The following C7orf57 variants were observed in gnomAD, a reference collection of about 807,000 sequenced individuals.
C7orf57 encodes uncharacterized protein C7orf57.
C7orf57 carries 33 observed loss-of-function variants against 39.0 expected under a neutral mutation model. The ratio of observed to expected loss-of-function variants is 0.85; its 90% CI spans 0.64 to 1.13. The LOEUF is 1.13. C7orf57 is among the 50% of genes most tolerant of loss of function. C7orf57 has a pLI of 0.00. For missense variants in C7orf57, 346 were observed against 362.3 expected (o/e 0.95, Z 0.37); for synonymous variants, 124 against 137.1 (o/e 0.90, Z 0.67).
At chr7:48,051,941 T>G (rs1583819094) in intron 6 of C7orf57, among the ~76,000 whole-genome samples, 2 of 136,052 alleles carry the variant, frequency 1.5e-5, no homozygotes, top group South Asian at 4.6e-4. Context: ...TTCTCTCCTC[T>G]TTTTTTCTTT....
intron 2 of C7orf57, among the ~76,000 whole-genome samples, chr7:48,038,854 A>G (rs1790463773): frequency 6.6e-6 from 1 of 152,094 alleles, no homozygotes; most frequent in Non-Finnish European, 1.5e-5. Context: ...AACTCCAAGT[A>G]TGTGTGTGTA....
chr7:48,036,845 C>T (rs1293998289), intron 2 of C7orf57, among the ~76,000 whole-genome samples: 2 of 152,002 alleles, frequency 1.3e-5, no homozygotes, highest in Non-Finnish European at 2.9e-5. Context: ...AAAAGGAATT[C>T]AGTGAGGTTC....
At chr7:48,040,733 G>A (rs979678897) in intron 2 of C7orf57, among the ~76,000 whole-genome samples, 13 of 152,170 alleles carry the variant, frequency 8.5e-5, no homozygotes, top group African/African-American at 3.1e-4. Context: ...GCTGATTCGA[G>A]TGCCATTGCT....
rs1413843235 is a variant in C7orf57 at position 48,051,849 on chromosome 7, TTC to T, written c.606-849_606-848del. Among the ~76,000 whole-genome samples, 2 of 83,244 alleles carry T rather than the reference TTC, an allele frequency of 2.4e-5. 1 individual carries two copies. The highest frequency in any genetic ancestry group is 1.3e-4 in the African/African-American group (2 of 15,270). 54.6% of individuals were successfully genotyped at this position (83,244 alleles called of 152,430 possible). ...TTTCTTTCTTTCTTTCTTTCTTTCT[TTC>T]TTTCTTTCTTTCTTTCTTTCTCTTT... On this transcript the variant is annotated intron_variant, in intron 6 of 8. Transcript: ENST00000348904.
At chr7:48,050,235 A>T (rs1192272267) in intron 6 of C7orf57, among the ~76,000 whole-genome samples, 1 of 152,050 alleles carries the variant, frequency 6.6e-6, no homozygotes, top group Non-Finnish European at 1.5e-5. Context: ...CTGCTTCTCC[A>T]TCAGGCTGTG....
At chr7:48,050,908 A>C (rs1390572199) in intron 6 of C7orf57, among the ~76,000 whole-genome samples, 1 of 151,894 alleles carries the variant, frequency 6.6e-6, no homozygotes, top group Non-Finnish European at 1.5e-5. Flanking sequence ...TGCTCAAAAA[A>C]TCCTCCTGCC....
intron 2 of C7orf57, among the ~76,000 whole-genome samples, chr7:48,040,125 A>C (rs1304134987): frequency 1.3e-5 from 2 of 152,192 alleles, no homozygotes; most frequent in Non-Finnish European, 2.9e-5. Flanking sequence ...AGAAACTCCC[A>C]GTAGGACTCC....
chr7:48,042,472 A>G (rs957465432), intron 3 of C7orf57, among the ~76,000 whole-genome samples: 3 of 151,874 alleles, frequency 2.0e-5, no homozygotes, highest in Non-Finnish European at 2.9e-5. Flanking sequence ...AGGACTGGGC[A>G]TTGTGTCTGC....
chr7:48,045,508 C>G (rs548906211), intron 4 of C7orf57, among the ~76,000 whole-genome samples: 1 of 152,260 alleles, frequency 6.6e-6, no homozygotes, highest in East Asian at 1.9e-4. Flanking sequence ...CACTCGCTCT[C>G]TCGGAGGCCC....
Position 48,043,198 on chromosome 7 carries a change from G to A in C7orf57, c.242-283G>A, listed in dbSNP as rs117977470. 6.9e-3 allele frequency among the ~76,000 whole-genome samples: 1,048 copies of A among 152,266 alleles called. 5 individuals are homozygous for A. The highest frequency in any genetic ancestry group is 0.02 in the Middle Eastern group (6 of 294). On this transcript the variant is annotated intron_variant, in intron 3 of 8. Transcript: ENST00000348904. ...TCCAGGAGCTGGTAGATGCTGGCCT[G>A]CATAGATGCAGCTCAAGACCAGGAG...
rs181265595 is a variant in C7orf57, at chr7:48,051,795, T to C, written c.606-905T>C. 4.6e-3 allele frequency among the ~76,000 whole-genome samples: 353 copies of C among 77,258 alleles called. 14 individuals are homozygous for C. The highest frequency in any genetic ancestry group is 9.8e-3 in the Middle Eastern group (1 of 102). The allele number at this position is 77,258 out of a possible 152,430, so 50.7% of individuals were successfully genotyped here. A position where few individuals can be genotyped will look rare whatever the true frequency, so the allele number is the denominator to read the frequency against. On this transcript the variant is annotated intron_variant, in intron 6 of 8. Coordinates refer to ENST00000348904, the MANE Select transcript of C7orf57 (RefSeq NM_001100159.3). ...CTTTCTTTCTTTCTTTCTTTCTTTC[T>C]TTCCTTCCTTCCTTTTCTCTTCTCT...
chr7:48,055,043 A>AT (rs1791076755), intron 8 of C7orf57, among the ~76,000 whole-genome samples: 1 of 152,144 alleles, frequency 6.6e-6, no homozygotes, highest in Admixed American at 6.5e-5. Flanking sequence ...CGCCCAGCTA[A>AT]TTTTTTGTAT....
intron 5 of C7orf57, 55 bp downstream of exon 5, chr7:48,046,671 C>T (rs1023320038): frequency 9.6e-6 from 15 of 1,562,186 alleles, no homozygotes; most frequent in African/African-American, 6.8e-5. Context: ...TCTGTGGTCT[C>T]GAGTAATTAA....
chr7:48,038,769 G>C (rs1480801919), intron 2 of C7orf57, among the ~76,000 whole-genome samples: 1 of 152,084 alleles, frequency 6.6e-6, no homozygotes, highest in Non-Finnish European at 1.5e-5. Context: ...ATACATTTTG[G>C]GGGGACAGAA....
chr7:48,037,692 G>A lies in C7orf57; in HGVS notation c.55+1329G>A, dbSNP rs577988481. Among the ~76,000 whole-genome samples the A allele has an allele frequency of 5.3e-5, 8 of 152,142 alleles. No individual in the cohort carries two copies. In the South Asian group the frequency reaches 1.7e-3, roughly 32 times the overall value. On this transcript the variant is annotated intron_variant, in intron 2 of 8. Coordinates refer to ENST00000348904, the MANE Select transcript of C7orf57 (RefSeq NM_001100159.3). ...ATAGTAAATGACTGATATTGTACAA[G>A]TGCCAACAATTTTTTGCATGATAAA... is the stretch of plus-strand genomic sequence containing the variant.
chr7:48,046,288 G>A (rs35687996), intron 4 of C7orf57, among the ~76,000 whole-genome samples, 172 bp from the exon 5 acceptor site: 26 of 151,496 alleles, frequency 1.7e-4, no homozygotes, highest in African/African-American at 5.6e-4. Flanking sequence ...AGAGAGAGCA[G>A]GAGAGGGAGA....
At chr7:48,043,705 T>C (rs1790622148) in intron 4 of C7orf57, 116 bp downstream of exon 4, 3 of 811,496 alleles carry the variant, frequency 3.7e-6, no homozygotes, top group Non-Finnish European at 6.1e-6. Context: ...ATATGACAAC[T>C]TCAGGTTCTC....
intron 2 of C7orf57, among the ~76,000 whole-genome samples, chr7:48,038,207 T>C (rs1790440694): frequency 6.6e-6 from 1 of 152,230 alleles, no homozygotes; most frequent in South Asian, 2.1e-4. Context: ...TTAAATACCA[T>C]CCATTAAAAA....
chr7:48,054,972 G>A (rs1791073798), intron 8 of C7orf57, among the ~76,000 whole-genome samples: 1 of 152,216 alleles, frequency 6.6e-6, no homozygotes, highest in Non-Finnish European at 1.5e-5. Flanking sequence ...CGCCTCCCGG[G>A]TTCACGCCAT....
Sources: gnomAD v4.1 joint callset for allele counts (sites outside exome capture counted in the v4.1 genomes callset) on GRCh38, gnomAD v4.1.1 for gene constraint, MANE v1.5 for transcripts, NCBI Gene and HGNC (gene_info 2026-07-23, HGNC 2026-07-21) for gene names.